Variants in CR2 observed in about 807,000 individuals in gnomAD.
CR2 encodes the protein complement C3d receptor 2, also known as complement receptor type 2.
Under a neutral mutation model 123.0 loss-of-function variants are expected in CR2, and 96 were observed. The observed-to-expected ratio is 0.78, with a 90% CI of 0.66 to 0.93. The LOEUF (loss-of-function observed/expected upper bound fraction) is 0.93, where lower values mean the gene tolerates loss of function less well. Among genes scored for constraint, CR2 ranks in the 40% least tolerant of loss-of-function variants. The pLI is 0.00. For missense variants in CR2, 1,258 were observed against 1,361.0 expected (o/e 0.92, Z 1.19); for synonymous variants, 484 against 469.5 (o/e 1.03, Z -0.40).
chr1:207,471,296 A>G, intron 8 of CR2, 127 bp from the exon 9 acceptor site: 2 of 909,600 alleles, frequency 2.2e-6, no homozygotes, highest in Non-Finnish European at 3.7e-6. Context: ...GTTGGTGCTG[A>G]TGTTGGCTAC....
At position 207,470,880 on chromosome 1, in the gene CR2, G is replaced by A. The variant is rs777257410; in HGVS notation, c.1366G>A (p.Glu456Lys). 6.2e-7 allele frequency: 1 copy of A among 1,613,896 alleles called. No individual in the cohort carries two copies. The highest frequency in any genetic ancestry group is 1.7e-5 in the Admixed American group (1 of 59,986). Reference protein sequence around the residue: ...VGEESIQCTSEGVWTPPVPQC... With the variant: ...VGEESIQCTSKGVWTPPVPQC... The stretch of plus-strand genomic sequence containing the variant: ...AGAAGAATCCATACAGTGTACCTCT[G>A]AGGGGGTGTGGACACCCCCTGTACC... Residue 456 changes from glutamate to lysine, a missense_variant, in exon 7 of 20, where the codon GAG becomes AAG. Physicochemically the swap from Glu to Lys is moderately conservative, Grantham distance 56 (BLOSUM62 1). Coordinates refer to ENST00000367057, the MANE Select transcript of CR2 (RefSeq NM_001006658.3).
intron 6 of CR2, 123 bp from the exon 7 acceptor site, chr1:207,470,617 G>A (rs926522428): frequency 2.2e-6 from 2 of 918,548 alleles, no homozygotes; most frequent in African/African-American, 1.6e-5. Context: ...TGCAACATAT[G>A]TTCTGTATCA....
intron 14 of CR2, among the ~76,000 whole-genome samples, chr1:207,475,665 GCCTTAT>G (rs1369144831): frequency 1.3e-4 from 20 of 152,220 alleles, no homozygotes; most frequent in Non-Finnish European, 2.6e-4. Context: ...TCATTTGGCA[GCCTTAT>G]TCCTGTCCAT....
chr1:207,469,049 G>T, intron 4 of CR2, 101 bp from the exon 5 acceptor site: 2 of 1,330,674 alleles, frequency 1.5e-6, no homozygotes, highest in African/African-American at 1.4e-5. Context: ...AGGAACAGAT[G>T]CACACTGATT....
intron 1 of CR2, among the ~76,000 whole-genome samples, chr1:207,462,777 A>G (rs1030888273): frequency 6.6e-6 from 1 of 152,212 alleles, no homozygotes; most frequent in African/African-American, 2.4e-5. Context: ...AGGATGAGTT[A>G]CAAAAAGGAA....
intron 1 of CR2, among the ~76,000 whole-genome samples, chr1:207,459,439 A>G (rs1657914639): frequency 6.6e-6 from 1 of 151,994 alleles, no homozygotes; most frequent in African/African-American, 2.4e-5. Flanking sequence ...GATTATATGA[A>G]TTATCAGTCT....
At chr1:207,458,899 T>C (rs1299200197) in intron 1 of CR2, among the ~76,000 whole-genome samples, 18 of 152,178 alleles carry the variant, frequency 1.2e-4, no homozygotes, top group Admixed American at 1.1e-3. Context: ...TCTCCTGTGC[T>C]TAGGACTGAA....
At chr1:207,480,609 T>A (rs1265905814) in intron 18 of CR2, among the ~76,000 whole-genome samples, 1 of 152,176 alleles carries the variant, frequency 6.6e-6, no homozygotes, top group African/African-American at 2.4e-5. Flanking sequence ...ACTTATTTCC[T>A]TAGAATAGAT....
chr1:207,482,417 T>C (rs886713710), intron 18 of CR2, among the ~76,000 whole-genome samples: 3 of 152,106 alleles, frequency 2.0e-5, no homozygotes, highest in East Asian at 3.8e-4. Context: ...AGTATATACA[T>C]GCATGGCTTT....
At chr1:207,468,299 G>A (rs1572952274) in intron 2 of CR2, 1 of 559,364 alleles carries the variant, frequency 1.8e-6, no homozygotes, top group Non-Finnish European at 3.2e-6. Context: ...CTTTGAATGT[G>A]GCCCAACAGA....
rs1212036940 is a variant in CR2, at chr1:207,468,681, G to A, written c.600G>A (p.Ser200=). ...VGEKIINCLS[S]GKWSAVPPTC... ...AAAAGATCATTAACTGTTTGTCTTC[G>A]GGAAAATGGAGTGCTGTCCCCCCCA... Residue 200 remains serine, a synonymous_variant, in exon 3 of 20, where the codon TCG becomes TCA. Coordinates refer to ENST00000367057, the MANE Select transcript of CR2 (RefSeq NM_001006658.3). 9.9e-6 allele frequency: 16 copies of A among 1,613,824 alleles called. No homozygotes were observed. The highest frequency in any genetic ancestry group is 1.3e-5 in the African/African-American group (1 of 74,828).
Position 207,454,338 on chromosome 1 carries a change from T to C in CR2, c.-81T>C. 1.6e-6 allele frequency: 2 copies of C among 1,242,730 alleles called. No individual in the cohort carries two copies. Among genetic ancestry groups the C allele is most frequent in the Admixed American group, 2.0e-5 (1 of 50,690 alleles). 77.0% of individuals were successfully genotyped at this position (1,242,730 alleles called of 1,614,324 possible). On this transcript the variant is annotated 5_prime_UTR_variant, in exon 1 of 20. Transcript: ENST00000367057. This position sits in a 1 kb window ranked among gnomAD's most constrained non-coding sequence, Gnocchi z 4.3. The stretch of plus-strand genomic sequence containing the variant: ...CCTCTCCTGGCTCACAGCTGCTTGC[T>C]GCTCCAGCCTTGCCCTCCCAGAGCT...
intron 1 of CR2, among the ~76,000 whole-genome samples, chr1:207,458,858 G>A (rs1657901952): frequency 6.6e-6 from 1 of 152,080 alleles, no homozygotes. Context: ...CTATGAGGGT[G>A]GGAACCTTGT....
Position 207,473,018 on chromosome 1 carries a change from A to C in CR2, c.1817A>C (p.His606Pro), listed in dbSNP as rs1658329921. The change falls in exon 10 of 20, where the codon CAT (histidine) becomes CCT (proline). Residue 606 changes from histidine (H) to proline (P), a missense_variant. By Grantham distance (77) the His-to-Pro change is moderately conservative. Transcript: ENST00000367057. Reference protein sequence around the residue: ...SLLAVQCSHVHIANGYKISGK... With the variant: ...SLLAVQCSHVPIANGYKISGK... ...CTTGCTGTCCAGTGCTCACATGTCC[A>C]TATTGCAAATGGATACAAGATATCT... 7.4e-6 allele frequency: 12 copies of C among 1,613,904 alleles called. No homozygotes were observed. Among genetic ancestry groups the C allele is most frequent in the Non-Finnish European group, 1.0e-5 (12 of 1,179,948 alleles).
intron 1 of CR2, among the ~76,000 whole-genome samples, chr1:207,459,312 T>A (rs1657911085): frequency 6.8e-6 from 1 of 147,720 alleles, no homozygotes; most frequent in East Asian, 2.0e-4. Flanking sequence ...TCTGAAGGTG[T>A]TTTTTGTTGT....
rs149213797 is a variant in CR2, at chr1:207,463,636, CTT to C, written c.59-2888_59-2887del. ...TAAGTCTAGCTGGGAGATGATCACT[CTT>C]TATTTTTATTTTTATTTTAAGTTCT... is the stretch of plus-strand genomic sequence containing the variant. On this transcript the variant is annotated intron_variant, in intron 1 of 19. Coordinates refer to ENST00000367057, the MANE Select transcript of CR2 (RefSeq NM_001006658.3). Among the ~76,000 whole-genome samples, 7 of 152,114 alleles carry C rather than the reference CTT, an allele frequency of 4.6e-5. No individual in the cohort carries two copies. In the East Asian group the frequency reaches 9.7e-4, roughly 21 times the overall value.
chr1:207,470,141 G>C, intron 6 of CR2, 39 bp downstream of exon 6: 1 of 1,610,938 alleles, frequency 6.2e-7, no homozygotes, highest in Non-Finnish European at 8.5e-7. Flanking sequence ...CTTCTGATTC[G>C]TTTCTGAAAA....
chr1:207,459,983 C>T (rs867813131), intron 1 of CR2, among the ~76,000 whole-genome samples: 4 of 152,190 alleles, frequency 2.6e-5, no homozygotes, highest in African/African-American at 9.7e-5. Flanking sequence ...TGCTGTGAAG[C>T]ACCCTTCTGC....
At chr1:207,470,609 C>T in intron 6 of CR2, 131 bp from the exon 7 acceptor site, 1 of 857,262 alleles carries the variant, frequency 1.2e-6, no homozygotes, top group Non-Finnish European at 1.9e-6. Context: ...AGCTGGTCTG[C>T]AACATATGTT....
Sources: gnomAD v4.1 joint callset for allele counts (sites outside exome capture counted in the v4.1 genomes callset) on GRCh38, gnomAD v4.1.1 for gene constraint, Gnocchi (gnomAD v3.1) non-coding constraint, MANE v1.5 for transcripts, NCBI Gene and HGNC (gene_info 2026-07-23, HGNC 2026-07-21) for gene names.